Variants in IQSEC1 observed in about 807,000 individuals in gnomAD.
IQSEC1 encodes IQ motif and Sec7 domain ArfGEF 1.
A neutral mutation model predicts 91.0 loss-of-function variants in IQSEC1; 31 were observed. The ratio of observed to expected loss-of-function variants is 0.34; its 90% CI spans 0.26 to 0.46. The LOEUF (loss-of-function observed/expected upper bound fraction) is 0.46. Ranked by LOEUF, IQSEC1 falls within the 20% of genes least tolerant of loss-of-function variation. The pLI is 1.00. For missense variants in IQSEC1, 1,388 were observed against 1,575.6 expected (o/e 0.88, Z 2.02); for synonymous variants, 699 against 662.6 (o/e 1.05, Z -0.84).
intron 1 of IQSEC1, among the ~76,000 whole-genome samples, chr3:13,164,770 T>C (rs1693451690): frequency 6.6e-6 from 1 of 152,236 alleles, no homozygotes; most frequent in South Asian, 2.1e-4. Flanking sequence ...GGAAAGGGAC[T>C]TTGGGATTAA....
intron 1 of IQSEC1, among the ~76,000 whole-genome samples, chr3:12,982,841 G>A (rs1576108394): frequency 1.3e-5 from 2 of 152,360 alleles, no homozygotes; most frequent in South Asian, 4.1e-4. Context: ...CATCTGCTGT[G>A]TGCCTGCCAT....
In IQSEC1 at chr3:13,008,905, G is replaced by C. The variant is rs1214807994; in HGVS notation, c.23+64087C>G. Among the ~76,000 whole-genome samples, 5 of 152,176 alleles carry C rather than the reference G, an allele frequency of 3.3e-5. No homozygotes were observed. The highest frequency in any genetic ancestry group is 7.3e-5 in the Non-Finnish European group (5 of 68,028). ...GTTAACCCTCTCATTCATGCATGAG[G>C]GGGTGCTTATTAAGCCATTTTCCAG... On this transcript the variant is annotated intron_variant, in intron 1 of 13. Coordinates refer to ENST00000613206, the MANE Select transcript of IQSEC1 (RefSeq NM_001134382.3). This position sits in a 1 kb window ranked among gnomAD's most constrained non-coding sequence, Gnocchi z 4.1.
chr3:13,019,930 G>C (rs932159389), intron 1 of IQSEC1, among the ~76,000 whole-genome samples: 6 of 152,336 alleles, frequency 3.9e-5, no homozygotes, highest in Non-Finnish European at 5.9e-5. Context: ...GAGGCACAGA[G>C]AGGCCAGTCT....
At chr3:13,274,288 G>A (rs1244859583) in intron 1 of IQSEC1, among the ~76,000 whole-genome samples, 1 of 152,218 alleles carries the variant, frequency 6.6e-6, no homozygotes, top group African/African-American at 2.4e-5. Flanking sequence ...CCAGGAAGCA[G>A]AGGATCCCAC....
intron 1 of IQSEC1, among the ~76,000 whole-genome samples, chr3:12,952,992 G>A (rs1422984914): frequency 6.6e-6 from 1 of 152,218 alleles, no homozygotes; most frequent in Non-Finnish European, 1.5e-5. Context: ...ACCACCGGAG[G>A]CAGAAATCCT....
At chr3:12,904,289 T>C (rs1196262185) in intron 12 of IQSEC1, among the ~76,000 whole-genome samples, 1 of 151,662 alleles carries the variant, frequency 6.6e-6, no homozygotes, top group Non-Finnish European at 1.5e-5. Context: ...CAGGTGGGAG[T>C]TGGGGTCAGC....
rs139422826 is a variant in IQSEC1, at chr3:12,920,590, G to T, written c.1860C>A (p.Arg620=). ...CCACCCCAGGGTTGCAGATGCAGTAGCGCTGGCTGCGGGCCGGGAGGGAGG... is the reference window on the plus strand; with the variant it reads ...CCACCCCAGGGTTGCAGATGCAGTATCGCTGGCTGCGGGCCGGGAGGGAGG... ...VERLIEAFSQ[R]YCICNPGVVR... Residue 620 remains arginine, a synonymous_variant, in exon 6 of 14, where the codon CGC becomes CGA. Coordinates refer to ENST00000613206, the MANE Select transcript of IQSEC1 (RefSeq NM_001134382.3). The T allele has an allele frequency of 6.2e-7, 1 of 1,614,002 alleles. No homozygotes were observed. Among genetic ancestry groups the T allele is most frequent in the South Asian group, 1.1e-5 (1 of 91,088 alleles).
In IQSEC1 at chr3:12,924,346, G is replaced by A. The variant is rs1364185035; in HGVS notation, c.1730+235C>T. On this transcript the variant is annotated intron_variant, in intron 4 of 13. Transcript: ENST00000613206. This position sits in a 1 kb window ranked among gnomAD's most constrained non-coding sequence, Gnocchi z 6.3. ...GTGCATGCCAGAGGGTGGGCGGACAGGCAGTGGGGTTCGCATGTGGGATGG... is the reference window on the plus strand; with the variant it reads ...GTGCATGCCAGAGGGTGGGCGGACAAGCAGTGGGGTTCGCATGTGGGATGG... Among the ~76,000 whole-genome samples the A allele has an allele frequency of 6.6e-6, 1 of 152,208 alleles. No individual in the cohort carries two copies. The highest frequency in any genetic ancestry group is 1.5e-5 in the Non-Finnish European group (1 of 68,024).
At chr3:13,277,106 TAAA>T (rs4034193) in intron 1 of IQSEC1, among the ~76,000 whole-genome samples, 953 of 35,820 alleles carry the variant, frequency 0.027, 8 homozygotes, top group African/African-American at 0.041. Context: ...TGCTCCTCCT[TAAA>T]AAAAAAAAAA....
At chr3:13,248,296 C>T (rs1695140232) in intron 1 of IQSEC1, among the ~76,000 whole-genome samples, 1 of 152,200 alleles carries the variant, frequency 6.6e-6, no homozygotes, top group South Asian at 2.1e-4. Flanking sequence ...CTGGCTACAC[C>T]ACTGCCTCTC....
chr3:12,925,011 C>T (rs1696987182), intron 3 of IQSEC1, among the ~76,000 whole-genome samples: 1 of 152,224 alleles, frequency 6.6e-6, no homozygotes, highest in Non-Finnish European at 1.5e-5. Context: ...CAAACACCTT[C>T]ACCTAGACTC....
chr3:13,012,894 T>C (rs917173896), intron 1 of IQSEC1, among the ~76,000 whole-genome samples: 3 of 150,016 alleles, frequency 2.0e-5, no homozygotes, highest in Non-Finnish European at 4.4e-5. Context: ...AGCTCAGAGA[T>C]GGGACCCAAC....
At chr3:13,252,730 T>TTTTTTTGTTTG (rs60219953) in intron 1 of IQSEC1, among the ~76,000 whole-genome samples, 32 of 150,844 alleles carry the variant, frequency 2.1e-4, no homozygotes, top group African/African-American at 3.2e-4. Context: ...TTTTTTTTGT[T>TTTTTTTGTTTG]TTTGTTTGTT....
chr3:13,174,833 T>TCCCCCCCC (rs754194155), intron 1 of IQSEC1, among the ~76,000 whole-genome samples: 1 of 112,714 alleles, frequency 8.9e-6, no homozygotes, highest in Non-Finnish European at 1.9e-5. Flanking sequence ...GTCTTTCTGC[T>TCCCCCCCC]CCCCCCCCCC....
chr3:12,911,451 G>T (rs1347814556), intron 10 of IQSEC1, among the ~76,000 whole-genome samples, 178 bp downstream of exon 10: 1 of 152,218 alleles, frequency 6.6e-6, no homozygotes, highest in African/African-American at 2.4e-5. Context: ...GCTGACTGAT[G>T]GGCCTCTTGA....
intron 2 of IQSEC1, among the ~76,000 whole-genome samples, chr3:13,093,277 A>G (rs521573): frequency 0.56 from 84,367 of 151,760 alleles, 24,047 homozygotes; most frequent in African/African-American, 0.68. Flanking sequence ...GACAAGACTA[A>G]TCGGGCTCAA....
At chr3:13,266,885 C>A (rs1335429919) in intron 1 of IQSEC1, among the ~76,000 whole-genome samples, 1 of 152,222 alleles carries the variant, frequency 6.6e-6, no homozygotes, top group African/African-American at 2.4e-5. Flanking sequence ...TCTGCTCCCC[C>A]ACCAGGCTAT....
At chr3:13,163,596 C>T (rs1431806719) in intron 2 of IQSEC1, among the ~76,000 whole-genome samples, 1 of 152,168 alleles carries the variant, frequency 6.6e-6, no homozygotes, top group East Asian at 1.9e-4. Context: ...AAGCCCACTC[C>T]ATGTCCACCC....
At chr3:12,928,896 G>A (rs368102679) in intron 3 of IQSEC1, among the ~76,000 whole-genome samples, 7 of 152,124 alleles carry the variant, frequency 4.6e-5, no homozygotes, top group Non-Finnish European at 7.4e-5. Flanking sequence ...GAAGCTGTGC[G>A]GTCCCCTATG....
Sources: gnomAD v4.1 joint callset for allele counts (sites outside exome capture counted in the v4.1 genomes callset) on GRCh38, gnomAD v4.1.1 for gene constraint, Gnocchi (gnomAD v3.1) non-coding constraint, MANE v1.5 for transcripts, NCBI Gene and HGNC (gene_info 2026-07-23, HGNC 2026-07-21) for gene names.